The following MYO16 variants were observed in gnomAD, a reference collection of about 807,000 sequenced individuals.
MYO16 encodes the protein unconventional myosin-XVI.
Under a neutral mutation model 205.3 loss-of-function variants are expected in MYO16, and 94 were observed. That is an observed-to-expected ratio of 0.46 (90% CI 0.39 to 0.54). The LOEUF (loss-of-function observed/expected upper bound fraction) is 0.54, where lower values mean the gene tolerates loss of function less well. Among genes scored for constraint, MYO16 ranks in the 20% least tolerant of loss-of-function variants. MYO16 has a pLI of 0.00. For synonymous variants in MYO16, 988 were observed against 954.0 expected (o/e 1.04, Z -0.66); for missense variants, 2,315 against 2,387.5 (o/e 0.97, Z 0.63).
chr13:108,600,815 G>A (rs1878734070), intron 1 of MYO16, among the ~76,000 whole-genome samples: 1 of 152,042 alleles, frequency 6.6e-6, no homozygotes, highest in Non-Finnish European at 1.5e-5. Flanking sequence ...TAGTGATAAC[G>A]GTCTTGCCTT....
chr13:108,982,156 T>C (rs1270751103), intron 20 of MYO16, among the ~76,000 whole-genome samples: 10 of 152,216 alleles, frequency 6.6e-5, no homozygotes, highest in Non-Finnish European at 1.5e-4. Flanking sequence ...GTGAAAGGAC[T>C]AATATAGGAC....
the MYO16 span, among the ~76,000 whole-genome samples, chr13:108,588,277 AG>A: frequency 1.3e-4 from 20 of 152,194 alleles, no homozygotes; most frequent in Admixed American, 1.2e-3. Flanking sequence ...TATGTGGGAA[AG>A]GGAAGTTTCC....
In MYO16 at chr13:109,127,357, C is replaced by T. The variant is rs748121578; in HGVS notation, c.3858C>T (p.Gly1286=). ...MSVCAAVDGL[G]QCLVGPSIWS... is the part of the protein sequence containing the mutation. ...TCTGCGCGGCCGTGGATGGCCTGGG[C>T]CAGTGCCTCGTTGGCCCGTCCATCT... is the stretch of plus-strand genomic sequence containing the variant. The change falls in exon 31 of 35, where the codon GGC becomes GGT. Residue 1286 remains glycine (G), a synonymous_variant. Coordinates refer to ENST00000457511, the MANE Select transcript of MYO16 (RefSeq NM_001198950.3). This position sits in a 1 kb window ranked among gnomAD's most constrained non-coding sequence, Gnocchi z 4.2. 1.9e-6 allele frequency: 3 copies of T among 1,613,396 alleles called. No individual in the cohort carries two copies. The highest frequency in any genetic ancestry group is 2.2e-5 in the South Asian group (2 of 90,946).
At chr13:108,696,095 T>C (rs1490893390) in intron 2 of MYO16, among the ~76,000 whole-genome samples, 1 of 152,124 alleles carries the variant, frequency 6.6e-6, no homozygotes, top group East Asian at 1.9e-4. Flanking sequence ...GACGATAGCA[T>C]TGCTGTGAAC....
intron 27 of MYO16, among the ~76,000 whole-genome samples, chr13:109,087,725 A>G (rs1460720839): frequency 6.6e-6 from 1 of 152,216 alleles, no homozygotes; most frequent in Non-Finnish European, 1.5e-5. Flanking sequence ...GAGGAGAAAA[A>G]CACTGGAATA....
chr13:108,729,583 T>C lies in MYO16; in HGVS notation c.507+2000T>C, dbSNP rs539880720. Among the ~76,000 whole-genome samples, 4 of 152,328 alleles carry C rather than the reference T, an allele frequency of 2.6e-5. No homozygotes were observed. In the East Asian group the frequency reaches 7.7e-4, roughly 29 times the overall value. On this transcript the variant is annotated intron_variant, in intron 4 of 34. Transcript: ENST00000457511. ...TCTGACTAATTATTATTAATTAAATTAAGCCGTGCCAAAAGAAGCTCTTTC... is the reference window on the plus strand; with the variant it reads ...TCTGACTAATTATTATTAATTAAATCAAGCCGTGCCAAAAGAAGCTCTTTC...
Position 108,957,718 on chromosome 13 carries a change from A to C in MYO16, c.1956A>C (p.Ala652=). 2 of 1,613,454 alleles carry C rather than the reference A, an allele frequency of 1.2e-6. No individual in the cohort carries two copies. Among genetic ancestry groups the C allele is most frequent in the Non-Finnish European group, 1.7e-6 (2 of 1,179,452 alleles). ...RYLNQTIQDD[A]STGERSLNRE... ...TGAACCAGACCATACAGGATGATGCATCCACAGGGGAGCGTTCTCTGAACA... is the reference window on the plus strand; with the variant it reads ...TGAACCAGACCATACAGGATGATGCCTCCACAGGGGAGCGTTCTCTGAACA... The change falls in exon 17 of 35, where the codon GCA becomes GCC. Residue 652 remains alanine, a synonymous_variant. Transcript: ENST00000457511.
chr13:109,120,522 T>A, intron 29 of MYO16, 56 bp downstream of exon 29: 1 of 1,322,624 alleles, frequency 7.6e-7, no homozygotes, highest in South Asian at 1.3e-5. Flanking sequence ...ATGCAAAATC[T>A]TTTAGTGCAT....
chr13:108,987,643 G>A (rs957399501), intron 20 of MYO16, among the ~76,000 whole-genome samples: 4 of 152,198 alleles, frequency 2.6e-5, no homozygotes, highest in Non-Finnish European at 4.4e-5. Flanking sequence ...GATTGCTCAC[G>A]TCTGGAATGT....
intron 12 of MYO16, among the ~76,000 whole-genome samples, chr13:108,868,036 T>A (rs527237319): frequency 1.3e-5 from 2 of 152,342 alleles, no homozygotes; most frequent in Non-Finnish European, 2.9e-5. Flanking sequence ...TGTATAAAAT[T>A]TCCTTTTGTG....
intron 7 of MYO16, among the ~76,000 whole-genome samples, chr13:108,809,582 T>C (rs921947411): frequency 6.6e-6 from 1 of 152,134 alleles, no homozygotes; most frequent in Non-Finnish European, 1.5e-5. Context: ...GGGCAGCAGA[T>C]GCCACACACT....
At chr13:108,815,021 A>G (rs1189916598) in intron 7 of MYO16, among the ~76,000 whole-genome samples, 1 of 152,246 alleles carries the variant, frequency 6.6e-6, no homozygotes, top group Non-Finnish European at 1.5e-5. Flanking sequence ...TTTAAAAATT[A>G]GAACTGTTAA....
At chr13:108,839,941 G>C (rs1877148322) in intron 9 of MYO16, among the ~76,000 whole-genome samples, 1 of 152,216 alleles carries the variant, frequency 6.6e-6, no homozygotes, top group African/African-American at 2.4e-5. Flanking sequence ...AAAAACAGCA[G>C]CTGATTTATT....
intron 10 of MYO16, among the ~76,000 whole-genome samples, chr13:108,844,960 T>C (rs889947481): frequency 1.3e-5 from 2 of 152,086 alleles, no homozygotes; most frequent in African/African-American, 4.8e-5. Context: ...TGTGTGTGCA[T>C]ATGTGTACTT....
intron 12 of MYO16, among the ~76,000 whole-genome samples, chr13:108,880,372 T>C (rs1252641857): frequency 2.6e-5 from 4 of 152,232 alleles, no homozygotes; most frequent in Admixed American, 6.5e-5. Flanking sequence ...TTTAATTAGA[T>C]CCCATTTGTC....
chr13:108,665,727 A>G (rs1470567840), intron 1 of MYO16, among the ~76,000 whole-genome samples, 159 bp from the exon 2 acceptor site: 1 of 152,174 alleles, frequency 6.6e-6, no homozygotes, highest in South Asian at 2.1e-4. Flanking sequence ...TTTTTCCCCA[A>G]TCTATAAAAA....
At chr13:108,654,904 G>A (rs1350582597) in intron 1 of MYO16, among the ~76,000 whole-genome samples, 2 of 152,130 alleles carry the variant, frequency 1.3e-5, no homozygotes, top group East Asian at 3.9e-4. Flanking sequence ...TAGCCCATCT[G>A]GTGGAAGAAA....
At chr13:108,713,824 G>A (rs906099406) in intron 3 of MYO16, among the ~76,000 whole-genome samples, 2 of 152,154 alleles carry the variant, frequency 1.3e-5, no homozygotes, top group African/African-American at 4.8e-5. Context: ...TACAAAGAGA[G>A]ATTTCAAGGT....
At chr13:109,053,398 A>G (rs1302139749) in intron 25 of MYO16, among the ~76,000 whole-genome samples, 1 of 152,062 alleles carries the variant, frequency 6.6e-6, no homozygotes, top group Non-Finnish European at 1.5e-5. Context: ...CTAAATGATC[A>G]TGAGAATTAG....
Sources: allele counts gnomAD v4.1 joint callset (sites outside exome capture counted in the v4.1 genomes callset), GRCh38; gene constraint gnomAD v4.1.1; non-coding constraint Gnocchi (gnomAD v3.1); transcripts MANE v1.5; gene names NCBI Gene and HGNC (gene_info 2026-07-23, HGNC 2026-07-21).